LIMS1: variants seen among roughly 807,000 people sequenced by gnomAD.
LIMS1 encodes LIM and senescent cell antigen-like-containing domain protein 1.
LIMS1 carries 18 observed loss-of-function variants against 44.1 expected under a neutral mutation model. The observed-to-expected ratio is 0.41, with a 90% CI of 0.28 to 0.61. The LOEUF (loss-of-function observed/expected upper bound fraction) is 0.61, where lower values mean the gene tolerates loss of function less well. Among genes scored for constraint, LIMS1 ranks in the 20% least tolerant of loss-of-function variants. LIMS1 has a pLI of 0.32. For missense variants in LIMS1, 201 were observed against 422.0 expected, an observed-to-expected ratio of 0.48 and a Z score of 4.59; for synonymous variants, 93 against 149.1, an observed-to-expected ratio of 0.62 and a Z score of 2.74.
At chr2:108,548,776 A>T (rs1684576367) in intron 1 of LIMS1, among the ~76,000 whole-genome samples, 1 of 152,204 alleles carries the variant, frequency 6.6e-6, no homozygotes, top group South Asian at 2.1e-4. Context: ...GACGGAAGTT[A>T]CGGCGATAGG....
At chr2:108,668,010 T>G (rs1443830992) in intron 2 of LIMS1, among the ~76,000 whole-genome samples, 1 of 152,214 alleles carries the variant, frequency 6.6e-6, no homozygotes, top group African/African-American at 2.4e-5. Flanking sequence ...GTTGATCGAA[T>G]CCAAGGATGC....
At chr2:108,660,222 G>C (rs1321573540) in intron 2 of LIMS1, 1 of 473,186 alleles carries the variant, frequency 2.1e-6, no homozygotes, top group Non-Finnish European at 4.3e-6. Flanking sequence ...TCCCAGCCTC[G>C]AGCCAGGAGC....
At chr2:108,567,763 G>A (rs1685344726) in intron 1 of LIMS1, among the ~76,000 whole-genome samples, 1 of 152,110 alleles carries the variant, frequency 6.6e-6, no homozygotes, top group African/African-American at 2.4e-5. Flanking sequence ...GTAGAGGCGG[G>A]GTTTCTCCAT....
intron 1 of LIMS1, among the ~76,000 whole-genome samples, chr2:108,652,353 C>T (rs1410341638): frequency 2.6e-5 from 4 of 152,246 alleles, no homozygotes; most frequent in Non-Finnish European, 4.4e-5. Flanking sequence ...TGGAATACTA[C>T]GTGGCAGTAA....
Position 108,676,148 on chromosome 2 carries a change from C to G in LIMS1, c.681+120C>G, listed in dbSNP as rs1692549011. On this transcript the variant is annotated intron_variant, in intron 6 of 9. Coordinates refer to ENST00000544547, the Ensembl canonical transcript of LIMS1. ...CCAGTACTTTCAAATCTTCATGATT[C>G]AGGTGTCCTGGCAAGATTAGGAGAC... The G allele has an allele frequency of 1.5e-5, 19 of 1,297,788 alleles. 1 individual carries two copies. The South Asian group carries it at 2.7e-4, about 18-fold the overall frequency. The allele number at this position is 1,297,788 out of a possible 1,614,324, so 80.4% of individuals were successfully genotyped here. A position where few individuals can be genotyped will look rare whatever the true frequency, so the allele number is the denominator to read the frequency against.
chr2:108,641,472 G>A (rs1014627091), intron 1 of LIMS1, among the ~76,000 whole-genome samples: 5 of 152,102 alleles, frequency 3.3e-5, no homozygotes, highest in Admixed American at 1.3e-4. Flanking sequence ...CCTGGGATGG[G>A]GTTGATGGTG....
chr2:108,560,992 A>G (rs893078099), intron 1 of LIMS1, among the ~76,000 whole-genome samples: 3 of 152,138 alleles, frequency 2.0e-5, no homozygotes, highest in Non-Finnish European at 2.9e-5. Flanking sequence ...TCTGTTACCA[A>G]TGGGTCAGAA....
chr2:108,685,462 G>C (rs1197798034), exon 10 of LIMS1: 1 of 152,006 alleles, frequency 6.6e-6, no homozygotes, highest in African/African-American at 2.4e-5. Flanking sequence ...CTGAAATATT[G>C]TTTTGCCATT....
intron 1 of LIMS1, among the ~76,000 whole-genome samples, chr2:108,542,533 TG>T (rs1684347765): frequency 6.6e-6 from 1 of 152,222 alleles, no homozygotes; most frequent in Non-Finnish European, 1.5e-5. Context: ...CCTCACTTCA[TG>T]GCACTGGTCA....
At chr2:108,670,629 G>A in intron 2 of LIMS1, 152 bp from the exon 3 acceptor site, 1 of 730,688 alleles carries the variant, frequency 1.4e-6, no homozygotes, top group Non-Finnish European at 2.3e-6. Flanking sequence ...TGGTGCAAAA[G>A]AGTATCTGCT....
intron 1 of LIMS1, among the ~76,000 whole-genome samples, chr2:108,580,717 A>T (rs1222922765): frequency 6.6e-6 from 1 of 152,168 alleles, no homozygotes; most frequent in Non-Finnish European, 1.5e-5. Flanking sequence ...GTGTGTGAGG[A>T]TGATTAAGTT....
chr2:108,621,234 G>T lies in LIMS1; in HGVS notation c.33-38371G>T, dbSNP rs1021959913. On this transcript the variant is annotated intron_variant, in intron 1 of 9. Transcript: ENST00000544547. The stretch of plus-strand genomic sequence containing the variant: ...CTTCAGCAGCTTGGTCTGCCTGGAG[G>T]TTTCTAAGGCTGAGTCAGGTGTGCT... The T allele has an allele frequency of 2.9e-5, 43 of 1,482,894 alleles. No homozygotes were observed. In the South Asian group the frequency reaches 5.2e-4, roughly 18 times the overall value. 91.9% of individuals were successfully genotyped at this position (1,482,894 alleles called of 1,614,324 possible).
At position 108,575,802 on chromosome 2, in the gene LIMS1, C is replaced by T. The variant is rs191931772; in HGVS notation, c.32+41208C>T. ...GTTGTTTAGTCTTTCTCCTTTTGTG[C>T]GTTTGTGTGTGTGTGGTATTATTCA... On this transcript the variant is annotated intron_variant, in intron 1 of 9. Transcript: ENST00000544547. Among the ~76,000 whole-genome samples, 280 of 151,862 alleles carry T rather than the reference C, an allele frequency of 1.8e-3. 1 individual carries two copies. Among genetic ancestry groups the T allele is most frequent in the African/African-American group, 6.5e-3 (268 of 41,232 alleles).
intron 1 of LIMS1, among the ~76,000 whole-genome samples, chr2:108,558,956 C>A (rs537956253): frequency 1.3e-5 from 2 of 152,234 alleles, no homozygotes; most frequent in South Asian, 4.1e-4. Flanking sequence ...CAGGTGTGAG[C>A]CACTGTGCCC....
chr2:108,642,505 G>A (rs1313894309), intron 1 of LIMS1, among the ~76,000 whole-genome samples: 1 of 151,276 alleles, frequency 6.6e-6, no homozygotes, highest in Admixed American at 6.6e-5. Context: ...GACTACAGGC[G>A]CCCGCTACCA....
exon 6 of LIMS1, chr2:108,675,980 C>T (rs1395834680): frequency 6.2e-7 from 1 of 1,614,010 alleles, no homozygotes; most frequent in East Asian, 2.2e-5. Context: ...GCCGACGGCC[C>T]ATCGAAGGGC....
At chr2:108,582,548 C>T (rs1316178898) in intron 1 of LIMS1, among the ~76,000 whole-genome samples, 1 of 152,110 alleles carries the variant, frequency 6.6e-6, no homozygotes, top group Non-Finnish European at 1.5e-5. Flanking sequence ...GTCGGTGGAT[C>T]ACTTGAGTCC....
chr2:108,556,473 C>T (rs140767297), intron 1 of LIMS1, among the ~76,000 whole-genome samples: 2 of 152,236 alleles, frequency 1.3e-5, no homozygotes, highest in African/African-American at 4.8e-5. Context: ...TGGGCATATA[C>T]CTAGGAGTGG....
intron 1 of LIMS1, among the ~76,000 whole-genome samples, chr2:108,608,128 C>G (rs971465983): frequency 6.6e-6 from 1 of 152,194 alleles, no homozygotes; most frequent in Admixed American, 6.5e-5. Context: ...ATTCCCTCCT[C>G]CTGTTTTCCT....
Sources: allele counts gnomAD v4.1 joint callset (sites outside exome capture counted in the v4.1 genomes callset), GRCh38; gene constraint gnomAD v4.1.1; transcripts MANE v1.5; gene names NCBI Gene and HGNC (gene_info 2026-07-23, HGNC 2026-07-21).